Variants in ACTR3C observed in about 807,000 individuals in gnomAD.
ACTR3C encodes actin-related protein 3C.
ACTR3C carries 18 observed loss-of-function variants against 26.3 expected under a neutral mutation model. The ratio of observed to expected loss-of-function variants is 0.68; its 90% CI spans 0.47 to 1.01. The LOEUF (loss-of-function observed/expected upper bound fraction) is 1.01. ACTR3C is among the 50% of genes least tolerant of loss of function. ACTR3C has a pLI of 0.00. For missense variants in ACTR3C, 184 were observed against 250.7 expected, an observed-to-expected ratio of 0.73 and a Z score of 1.80; for synonymous variants, 55 against 94.5, an observed-to-expected ratio of 0.58 and a Z score of 2.42.
At chr7:149,995,835 C>T in the ACTR3C span, among the ~76,000 whole-genome samples, 24 of 152,372 alleles carry the variant, frequency 1.6e-4, no homozygotes, top group Non-Finnish European at 2.8e-4. Flanking sequence ...GCTGCACGGT[C>T]ACGGGGAGGT....
the ACTR3C span, among the ~76,000 whole-genome samples, chr7:150,028,313 T>C: frequency 6.6e-6 from 1 of 152,274 alleles, no homozygotes; most frequent in African/African-American, 2.4e-5. Context: ...TTGACATCTT[T>C]GTGGCTGGGT....
chr7:150,162,442 C>T, the ACTR3C span, among the ~76,000 whole-genome samples: 1 of 152,154 alleles, frequency 6.6e-6, no homozygotes, highest in Non-Finnish European at 1.5e-5. Context: ...TCTCCTGCCT[C>T]AGCCTCCTGA....
At chr7:150,014,298 T>C in the ACTR3C span, among the ~76,000 whole-genome samples, 1 of 151,442 alleles carries the variant, frequency 6.6e-6, no homozygotes, top group Non-Finnish European at 1.5e-5. Context: ...TACTAAAAAA[T>C]ACAAAAAATT....
the ACTR3C span, among the ~76,000 whole-genome samples, chr7:150,077,304 T>A: frequency 6.6e-6 from 1 of 152,216 alleles, no homozygotes; most frequent in Non-Finnish European, 1.5e-5. Flanking sequence ...ACTTAAGAAG[T>A]GTGTCTGTGT....
the ACTR3C span, among the ~76,000 whole-genome samples, chr7:150,086,136 A>T: frequency 6.6e-6 from 1 of 152,074 alleles, no homozygotes. Flanking sequence ...CGTGTGTGCC[A>T]CCACACATGG....
At chr7:150,125,448 G>A in the ACTR3C span, among the ~76,000 whole-genome samples, 2 of 137,750 alleles carry the variant, frequency 1.5e-5, no homozygotes. Context: ...ATCTTTGTAG[G>A]CTTAAGTTCC....
At chr7:149,917,111 T>C in the ACTR3C span, among the ~76,000 whole-genome samples, 1 of 151,904 alleles carries the variant, frequency 6.6e-6, no homozygotes, top group Non-Finnish European at 1.5e-5. Flanking sequence ...GTTCCGCTCT[T>C]GTTGCCCAGG....
At chr7:149,923,603 G>A in the ACTR3C span, among the ~76,000 whole-genome samples, 1 of 152,114 alleles carries the variant, frequency 6.6e-6, no homozygotes, top group African/African-American at 2.4e-5. Flanking sequence ...CTTTCATAAA[G>A]CAGAACCCAC....
the ACTR3C span, among the ~76,000 whole-genome samples, chr7:149,901,375 T>C: frequency 6.7e-6 from 1 of 150,012 alleles, no homozygotes; most frequent in East Asian, 2.0e-4. Context: ...TGTTTTTGTT[T>C]TTATTTTTTA....
At chr7:150,127,864 CAT>C in the ACTR3C span, among the ~76,000 whole-genome samples, 3 of 151,610 alleles carry the variant, frequency 2.0e-5, no homozygotes, top group African/African-American at 7.3e-5. Context: ...ATTATTAAGA[CAT>C]AAAACATACT....
chr7:149,982,631 C>G, the ACTR3C span, among the ~76,000 whole-genome samples: 1 of 151,976 alleles, frequency 6.6e-6, no homozygotes. Context: ...TTCCATTGAA[C>G]TGGAAATTGT....
chr7:150,089,909 A>G, the ACTR3C span, among the ~76,000 whole-genome samples: 72 of 152,098 alleles, frequency 4.7e-4, 1 homozygote, highest in Non-Finnish European at 2.9e-5. Context: ...AAATTTCCAA[A>G]CTCTAGGCCA....
At chr7:150,032,098 T>C in the ACTR3C span, among the ~76,000 whole-genome samples, 1 of 152,226 alleles carries the variant, frequency 6.6e-6, no homozygotes, top group Non-Finnish European at 1.5e-5. Flanking sequence ...CAGTGATGTC[T>C]GTCCTTGCAG....
the ACTR3C span, among the ~76,000 whole-genome samples, chr7:150,119,729 T>C: frequency 1.3e-5 from 2 of 152,136 alleles, no homozygotes. Flanking sequence ...CTGGACCAAG[T>C]GGACTTAATA....
the ACTR3C span, among the ~76,000 whole-genome samples, chr7:150,015,417 A>G: frequency 6.6e-6 from 1 of 152,194 alleles, no homozygotes; most frequent in South Asian, 2.1e-4. Context: ...AATGACCTTA[A>G]AGTAAACATC....
chr7:150,119,005 A>G, the ACTR3C span, among the ~76,000 whole-genome samples: 1 of 152,080 alleles, frequency 6.6e-6, no homozygotes, highest in Non-Finnish European at 1.5e-5. Flanking sequence ...TAAGCAAAGG[A>G]GAAATAAAAT....
At chr7:150,033,111 G>A in the ACTR3C span, among the ~76,000 whole-genome samples, 2 of 152,114 alleles carry the variant, frequency 1.3e-5, no homozygotes, top group East Asian at 1.9e-4. Flanking sequence ...CAGCCTGAAC[G>A]GGGAGTGGGA....
Position 150,274,740 on chromosome 7 carries a change from T to C in ACTR3C, c.564+10013A>G, listed in dbSNP as rs1187463190. Among the ~76,000 whole-genome samples, 6 of 152,156 alleles carry C rather than the reference T, an allele frequency of 3.9e-5. No homozygotes were observed. The East Asian group carries it at 9.6e-4, about 24-fold the overall frequency. On this transcript the variant is annotated intron_variant, in intron 6 of 7. Transcript: ENST00000683684. The surrounding 1 kb of genome is among the most constrained non-coding windows in gnomAD (Gnocchi z 4.1). ...CGCAGCTTGGCCCTGACGCCTATAC[T>C]CTTAACCACGACAAACTAAAAATAA...
downstream of ACTR3C, among the ~76,000 whole-genome samples, chr7:150,242,501 T>G (rs1378815077): frequency 6.6e-6 from 1 of 150,974 alleles, no homozygotes; most frequent in Non-Finnish European, 1.5e-5. Context: ...AACCTATAAC[T>G]AAAATATGTG....
Sources: allele counts gnomAD v4.1 joint callset (sites outside exome capture counted in the v4.1 genomes callset), GRCh38; gene constraint gnomAD v4.1.1; non-coding constraint Gnocchi (gnomAD v3.1); transcripts MANE v1.5; gene names NCBI Gene and HGNC (gene_info 2026-07-23, HGNC 2026-07-21).